TRAK1: variants seen among roughly 807,000 people sequenced by gnomAD.
TRAK1 encodes the protein trafficking kinesin protein 1.
A neutral mutation model predicts 92.1 loss-of-function variants in TRAK1; 33 were observed. That is an observed-to-expected ratio of 0.36 (90% CI 0.27 to 0.48). The LOEUF (loss-of-function observed/expected upper bound fraction) is 0.48. TRAK1 is among the 20% of genes least tolerant of loss of function. The pLI is 0.99. For missense variants in TRAK1, 1,123 were observed against 1,257.9 expected (o/e 0.89, Z 1.62); for synonymous variants, 521 against 517.3 (o/e 1.01, Z -0.10).
chr3:42,115,371 C>G (rs1479433528), intron 1 of TRAK1, among the ~76,000 whole-genome samples: 1 of 152,130 alleles, frequency 6.6e-6, no homozygotes. Flanking sequence ...AACTGGCATG[C>G]CCAAGTGGAA....
intron 1 of TRAK1, among the ~76,000 whole-genome samples, chr3:42,038,129 A>G (rs1416850765): frequency 6.6e-6 from 1 of 152,254 alleles, no homozygotes; most frequent in Non-Finnish European, 1.5e-5. Context: ...GATTTGGCTC[A>G]GAGAGGTCAG....
At chr3:42,193,942 C>G (rs2149438152) in intron 9 of TRAK1, 44 bp downstream of exon 9, 2 of 1,578,078 alleles carry the variant, frequency 1.3e-6, no homozygotes, top group Non-Finnish European at 1.7e-6. Context: ...TGATTGCAGC[C>G]AAGGTGGATT....
intron 10 of TRAK1, among the ~76,000 whole-genome samples, chr3:42,196,079 T>G (rs1706581058): frequency 6.6e-6 from 1 of 152,250 alleles, no homozygotes; most frequent in African/African-American, 2.4e-5. Flanking sequence ...GAATTGAAAT[T>G]TGCATTTCAG....
intron 1 of TRAK1, among the ~76,000 whole-genome samples, chr3:42,057,439 A>G (rs1169484272): frequency 6.6e-6 from 1 of 152,190 alleles, no homozygotes; most frequent in African/African-American, 2.4e-5. Flanking sequence ...AATAGAATCC[A>G]GATTTCATTC....
chr3:42,119,519 C>T (rs966578705), intron 1 of TRAK1, among the ~76,000 whole-genome samples: 1 of 152,158 alleles, frequency 6.6e-6, no homozygotes, highest in Non-Finnish European at 1.5e-5. Context: ...ACTGTAGCCT[C>T]AATAAGGTAG....
In TRAK1 at chr3:42,125,609, A is replaced by T. The variant is rs772587793; in HGVS notation, c.281A>T (p.Tyr94Phe). 2.3e-5 allele frequency: 37 copies of T among 1,613,944 alleles called. No individual in the cohort carries two copies. In the African/African-American group the frequency reaches 4.9e-4, roughly 22 times the overall value. ...GAGCAAATTGAAGAGACGTTAAAAT[A>T]CTTCCGTAAGTAGTTGTCCATGTGT... Reference protein sequence around the residue: ...TTEQIEETLKYFLLCAERVGQ... With the variant: ...TTEQIEETLKFFLLCAERVGQ... Residue 94 changes from tyrosine to phenylalanine, a missense_variant, in exon 2 of 16, where the codon TAC (tyrosine) becomes TTC (phenylalanine). Tyr to Phe is a conservative substitution (Grantham distance 22). This residue lies in a region of TRAK1 where 686 missense variants were observed against 747.6 expected (regional missense o/e 0.92). Transcript: ENST00000327628.
chr3:42,102,216 C>T (rs1706865876), intron 1 of TRAK1, among the ~76,000 whole-genome samples: 1 of 152,232 alleles, frequency 6.6e-6, no homozygotes, highest in Non-Finnish European at 1.5e-5. Context: ...GAACTCCTGA[C>T]CTCCAGTGAT....
intron 2 of TRAK1, among the ~76,000 whole-genome samples, chr3:42,172,892 T>A (rs993499462): frequency 2.0e-5 from 3 of 152,232 alleles, no homozygotes; most frequent in Non-Finnish European, 2.9e-5. Context: ...ATGCCTGTAA[T>A]GCCAGCACTT....
chr3:42,211,585 A>T (rs1466537500), intron 14 of TRAK1: 2 of 985,202 alleles, frequency 2.0e-6, no homozygotes, highest in Non-Finnish European at 2.4e-6. Flanking sequence ...GTTGATTGGG[A>T]TGCTCCCCTA....
At position 42,188,050 on chromosome 3, in the gene TRAK1, T is replaced by C; in HGVS notation, c.486T>C (p.Ser162=). 5 of 1,613,954 alleles carry C rather than the reference T, an allele frequency of 3.1e-6. No individual in the cohort carries two copies. Among genetic ancestry groups the C allele is most frequent in the Non-Finnish European group, 4.2e-6 (5 of 1,179,932 alleles). The change falls in exon 5 of 16, where the codon TCT becomes TCC. Residue 162 remains serine (S), a synonymous_variant. Transcript: ENST00000327628. ...GGCCTGCTCTGCTTGTGCAGGTGTCTCAGCTCCGGCATGAGCTGTCCATGA... is the reference window on the plus strand; with the variant it reads ...GGCCTGCTCTGCTTGTGCAGGTGTCCCAGCTCCGGCATGAGCTGTCCATGA... ...EQVEHIREEV[S]QLRHELSMKD...
intron 7 of TRAK1, among the ~76,000 whole-genome samples, chr3:42,192,314 G>C (rs1178703570): frequency 3.3e-5 from 5 of 152,078 alleles, no homozygotes; most frequent in Non-Finnish European, 7.4e-5. Flanking sequence ...CTGAAGCCAG[G>C]GTTCTCACCT....
intron 2 of TRAK1, chr3:42,151,336 A>G (rs1417597287): frequency 2.2e-6 from 1 of 456,620 alleles, no homozygotes; most frequent in Non-Finnish European, 4.4e-6. Context: ...CTTACCCAGC[A>G]CTTCCTCAGT....
At position 42,188,110 on chromosome 3, in the gene TRAK1, G is replaced by C. The variant is rs779487365; in HGVS notation, c.546G>C (p.Ala182=). The C allele has an allele frequency of 6.2e-7, 1 of 1,614,124 alleles. No individual in the cohort carries two copies. The highest frequency in any genetic ancestry group is 1.3e-5 in the African/African-American group (1 of 75,036). The part of the protein sequence containing the change: ...DELLQFYTSA[A]EESEPESVCS... ...TGCTTCAGTTCTACACCAGCGCTGC[G>C]GAGGAGAGTGAGCCCGAGTCCGTTT... The change falls in exon 5 of 16, where the codon GCG becomes GCC. Residue 182 remains alanine (A), a synonymous_variant. Transcript: ENST00000327628.
At chr3:42,172,286 C>T (rs956602408) in intron 2 of TRAK1, among the ~76,000 whole-genome samples, 3 of 152,192 alleles carry the variant, frequency 2.0e-5, no homozygotes, top group African/African-American at 2.4e-5. Flanking sequence ...CTTGGGGGCA[C>T]CGCATCTTGC....
At chr3:42,043,906 T>A (rs73828515) in intron 1 of TRAK1, among the ~76,000 whole-genome samples, 15,582 of 152,066 alleles carry the variant, frequency 0.1, 2,694 homozygotes, top group African/African-American at 0.35. Flanking sequence ...CCTTTTTTTT[T>A]AAAATTACTT....
At chr3:42,055,264 A>G (rs1359692849) in intron 1 of TRAK1, among the ~76,000 whole-genome samples, 1 of 152,140 alleles carries the variant, frequency 6.6e-6, no homozygotes, top group Non-Finnish European at 1.5e-5. Flanking sequence ...CCCCAAGGAT[A>G]CAAAATAGTT....
intron 1 of TRAK1, among the ~76,000 whole-genome samples, chr3:42,092,711 G>GTGTTATGTTATGTTATGTTATGTTA (rs71078412): frequency 8.4e-4 from 85 of 101,116 alleles, no homozygotes; most frequent in African/African-American, 1.8e-3. Flanking sequence ...GTGTTGTGTT[G>GTGTTATGTTATGTTATGTTATGTTA]TGTTATGTTA....
Position 42,223,033 on chromosome 3 carries a change from C to T in TRAK1, c.2158C>T (p.Leu720=). 1 of 1,614,156 alleles carries T rather than the reference C, an allele frequency of 6.2e-7. No individual in the cohort carries two copies. The highest frequency in any genetic ancestry group is 1.3e-5 in the African/African-American group (1 of 75,060). The part of the protein sequence containing the change: ...ATPCTPRRLS[L]AESFTNTRES... ...ACCATGCACTCCACGGAGACTGAGC[C>T]TGGCTGAGTCCTTCACTAACACCCG... The change falls in exon 16 of 16, where the codon CTG becomes TTG. Residue 720 remains leucine, a synonymous_variant. Coordinates refer to ENST00000327628, the MANE Select transcript of TRAK1 (RefSeq NM_001042646.3). The surrounding 1 kb of genome is among the most constrained non-coding windows in gnomAD (Gnocchi z 6.1).
intron 2 of TRAK1, among the ~76,000 whole-genome samples, chr3:42,129,447 G>A (rs72869929): frequency 0.016 from 2,359 of 152,162 alleles, 64 homozygotes; most frequent in African/African-American, 0.054. Context: ...GTGGAGAAAC[G>A]CGGCTTTACC....
Sources: gnomAD v4.1 joint callset for allele counts (sites outside exome capture counted in the v4.1 genomes callset) on GRCh38, gnomAD v4.1.1 for gene constraint, gnomAD v4.1.1 regional missense constraint, Gnocchi (gnomAD v3.1) non-coding constraint, MANE v1.5 for transcripts, NCBI Gene and HGNC (gene_info 2026-07-23, HGNC 2026-07-21) for gene names.